FREM3: variants seen among roughly 807,000 people sequenced by gnomAD.
FREM3 encodes FRAS1-related extracellular matrix protein 3.
FREM3 carries 105 observed loss-of-function variants against 129.1 expected under a neutral mutation model. That is an observed-to-expected ratio of 0.81 (90% CI 0.69 to 0.96). FREM3 has a LOEUF of 0.96. FREM3 is among the 40% of genes least tolerant of loss of function. The pLI is 0.00. For missense variants in FREM3, 2,593 were observed against 2,666.3 expected (o/e 0.97, Z 0.61); for synonymous variants, 1,014 against 1,044.9 (o/e 0.97, Z 0.57).
chr4:143,620,924 G>A (rs1264294649), intron 5 of FREM3, 113 bp downstream of exon 5: 3 of 1,041,210 alleles, frequency 2.9e-6, no homozygotes, highest in Non-Finnish European at 4.1e-6. Context: ...GAGGGGCCCA[G>A]GCATCCAGCA....
In FREM3 at chr4:143,699,605, C is replaced by CGGT. The variant is rs1560878984; in HGVS notation, c.1070_1071insACC (p.Pro357dup). On this transcript the variant is annotated inframe_insertion, in exon 1 of 8. Transcript: ENST00000329798. This position sits in a 1 kb window ranked among gnomAD's most constrained non-coding sequence, Gnocchi z 4.2. ...TGCTGACCACGTAGCCCTGTTGCCC[C>CGGT]GGGTGCCCTGGTGGGTGAGTGGGGG... 2 of 1,527,834 alleles carry CGGT rather than the reference C, an allele frequency of 1.3e-6. No individual in the cohort carries two copies. Among genetic ancestry groups the CGGT allele is most frequent in the Non-Finnish European group, 1.8e-6 (2 of 1,140,910 alleles). The allele number at this position is 1,527,834 out of a possible 1,614,324, so 94.6% of individuals were successfully genotyped here.
Position 143,643,318 on chromosome 4 carries a change from A to G in FREM3, c.5276-15558T>C, listed in dbSNP as rs569691853. Among the ~76,000 whole-genome samples, 3 of 152,314 alleles carry G rather than the reference A, an allele frequency of 2.0e-5. No individual in the cohort carries two copies. The East Asian group carries it at 5.8e-4, about 29-fold the overall frequency. On this transcript the variant is annotated intron_variant, in intron 2 of 7. Coordinates refer to ENST00000329798, the MANE Select transcript of FREM3 (RefSeq NM_001168235.2). ...TATGCTGAAGAGGTATCTGCACTCC[A>G]GTGTTTATTGCAACACTATTTACAA... is the stretch of plus-strand genomic sequence containing the variant.
At position 143,696,945 on chromosome 4, in the gene FREM3, T is replaced by C. The variant is rs1740582873; in HGVS notation, c.3731A>G (p.Gln1244Arg). The C allele has an allele frequency of 6.5e-7, 1 of 1,537,520 alleles. No individual in the cohort carries two copies. The highest frequency in any genetic ancestry group is 8.7e-7 in the Non-Finnish European group (1 of 1,147,008). The change falls in exon 1 of 8, where the codon CAG becomes CGG. Residue 1244 changes from glutamine (Q) to arginine (R), a missense_variant. Gln to Arg is a conservative substitution (Grantham distance 43). Transcript: ENST00000329798. Reference sequence around the variant, plus strand: ...GATGGGCTGGCTGCCTGTAGCCAGCTGCTGTATGATTCGTCCATGCCGAGG... The same window carrying C: ...GATGGGCTGGCTGCCTGTAGCCAGCCGCTGTATGATTCGTCCATGCCGAGG... ...ALPRHGRIIQ[Q>R]LATGSQPIHS...
chr4:143,587,138 C>T (rs1161372796), intron 6 of FREM3, among the ~76,000 whole-genome samples: 7 of 152,196 alleles, frequency 4.6e-5, no homozygotes. Context: ...TGCCAAACAG[C>T]TCCCAATACA....
Position 143,624,344 on chromosome 4 carries a change from TA to T in FREM3, c.5423-7del. The T allele has an allele frequency of 6.7e-7, 1 of 1,502,672 alleles. No homozygotes were observed. The highest frequency in any genetic ancestry group is 9.0e-7 in the Non-Finnish European group (1 of 1,116,452). The allele number at this position is 1,502,672 out of a possible 1,614,324, so 93.1% of individuals were successfully genotyped here. ...TTCATCTTTGGTACCAATGCCTGAA[TA>T]AAAATCAGAAAACTATAAATATAAA... On this transcript the variant is annotated splice_region_variant and splice_polypyrimidine_tract_variant and intron_variant, in intron 3 of 7. Transcript: ENST00000329798.
intron 5 of FREM3, among the ~76,000 whole-genome samples, chr4:143,612,705 C>T (rs757652833): frequency 3.3e-5 from 5 of 152,140 alleles, no homozygotes; most frequent in Non-Finnish European, 7.4e-5. Context: ...AGTTTTAAAA[C>T]AGCAACACAT....
At chr4:143,669,666 A>T (rs181390532) in intron 2 of FREM3, among the ~76,000 whole-genome samples, 1 of 151,940 alleles carries the variant, frequency 6.6e-6, no homozygotes, top group Non-Finnish European at 1.5e-5. Flanking sequence ...GAAAAAAAAA[A>T]AAAACCACAA....
chr4:143,583,237 A>G lies in FREM3; in HGVS notation c.6178+2607T>C, dbSNP rs189353618. Among the ~76,000 whole-genome samples, 78 of 152,336 alleles carry G rather than the reference A, an allele frequency of 5.1e-4. 2 individuals are homozygous for G. Among genetic ancestry groups the G allele is most frequent in the Non-Finnish European group, 5.3e-4 (36 of 68,032 alleles). On this transcript the variant is annotated intron_variant, in intron 7 of 7. Transcript: ENST00000329798. ...ATCTCATAGCAAAAAGGTTCTCTGA[A>G]TGAACAGAATCAAAAATAAAGAGAA...
chr4:143,607,733 C>T (rs1738690712), intron 6 of FREM3, among the ~76,000 whole-genome samples: 2 of 152,092 alleles, frequency 1.3e-5, no homozygotes, highest in South Asian at 4.1e-4. Flanking sequence ...CTTATATAGA[C>T]GTTTCCTCCA....
At chr4:143,640,894 T>A (rs1018743063) in intron 2 of FREM3, among the ~76,000 whole-genome samples, 1 of 152,170 alleles carries the variant, frequency 6.6e-6, no homozygotes. Flanking sequence ...TATATATTAT[T>A]TAACTTTTTA....
At chr4:143,695,157 A>G (rs1740542052) in intron 1 of FREM3, among the ~76,000 whole-genome samples, 1 of 152,238 alleles carries the variant, frequency 6.6e-6, no homozygotes, top group South Asian at 2.1e-4. Context: ...CATTCTTAAA[A>G]TTCAAAATCA....
chr4:143,700,560 TCGGTCCCA>T lies in FREM3; in HGVS notation c.108_115del (p.Gly37AlafsTer14). 2 of 1,516,478 alleles carry T rather than the reference TCGGTCCCA, an allele frequency of 1.3e-6. No homozygotes were observed. The highest frequency in any genetic ancestry group is 1.8e-6 in the Non-Finnish European group (2 of 1,135,420). The allele number at this position is 1,516,478 out of a possible 1,614,324, so 93.9% of individuals were successfully genotyped here. A position where few individuals can be genotyped will look rare whatever the true frequency, so the allele number is the denominator to read the frequency against. On this transcript the variant is annotated frameshift_variant, in exon 1 of 8. Coordinates refer to ENST00000329798, the MANE Select transcript of FREM3 (RefSeq NM_001168235.2). LOFTEE classifies it high-confidence loss of function. ...GGGCAGGTAAAGCGCCGGGTCGGGC[TCGGTCCCA>T]AGTGAGGATGCCCGTCCCTGCAGCG...
chr4:143,611,538 A>G lies in FREM3; in HGVS notation c.5780-11T>C. The G allele has an allele frequency of 6.5e-7, 1 of 1,536,154 alleles. No individual in the cohort carries two copies. Among genetic ancestry groups the G allele is most frequent in the South Asian group, 1.2e-5 (1 of 83,884 alleles). On this transcript the variant is annotated splice_polypyrimidine_tract_variant and intron_variant, in intron 5 of 7. Transcript: ENST00000329798. ...TGCCTGTGGCAGAACCTACAGAAAT[A>G]TGAGAAGGAACAGGGAGGTTAAGAA... is the stretch of plus-strand genomic sequence containing the variant.
chr4:143,673,551 G>C (rs904966364), intron 2 of FREM3, among the ~76,000 whole-genome samples: 3 of 152,230 alleles, frequency 2.0e-5, no homozygotes, highest in Non-Finnish European at 2.9e-5. Context: ...GGACCCACTT[G>C]AGGAGGCAGT....
chr4:143,694,588 TAA>T (rs1248484463), intron 1 of FREM3, among the ~76,000 whole-genome samples: 4 of 152,232 alleles, frequency 2.6e-5, no homozygotes, highest in Non-Finnish European at 4.4e-5. Context: ...AAAGTTTATA[TAA>T]GTTTAATATT....
At chr4:143,653,940 GA>G (rs929780514) in intron 2 of FREM3, among the ~76,000 whole-genome samples, 2 of 152,074 alleles carry the variant, frequency 1.3e-5, no homozygotes, top group Admixed American at 6.5e-5. Context: ...TGAAACATGA[GA>G]AAAAAGTTTT....
intron 2 of FREM3, among the ~76,000 whole-genome samples, chr4:143,666,167 C>T (rs143795962): frequency 3.1e-4 from 47 of 152,070 alleles, no homozygotes; most frequent in African/African-American, 1.0e-3. Context: ...TGCCATGGAG[C>T]GTGCTGGCAG....
intron 6 of FREM3, among the ~76,000 whole-genome samples, chr4:143,594,823 G>A (rs1054601465): frequency 6.6e-6 from 1 of 152,180 alleles, no homozygotes; most frequent in Non-Finnish European, 1.5e-5. Context: ...AGAGAAAACA[G>A]CTCCTCCATG....
At chr4:143,627,800 T>G in intron 2 of FREM3, 40 bp from the exon 3 acceptor site, 3 of 1,394,100 alleles carry the variant, frequency 2.2e-6, no homozygotes, top group Non-Finnish European at 2.9e-6. Context: ...AGCTGGAGTA[T>G]TTGATGGCAA....
Sources: allele counts gnomAD v4.1 joint callset (sites outside exome capture counted in the v4.1 genomes callset), GRCh38; gene constraint gnomAD v4.1.1; non-coding constraint Gnocchi (gnomAD v3.1); transcripts MANE v1.5; gene names NCBI Gene and HGNC (gene_info 2026-07-23, HGNC 2026-07-21).